Variants in TMEM216 observed in about 807,000 individuals in gnomAD.
TMEM216 encodes transmembrane protein 216.
A neutral mutation model predicts 17.8 loss-of-function variants in TMEM216; 15 were observed. The ratio of observed to expected loss-of-function variants is 0.84; its 90% CI spans 0.56 to 1.30. The LOEUF (loss-of-function observed/expected upper bound fraction) is 1.30, where lower values mean the gene tolerates loss of function less well. Among genes scored for constraint, TMEM216 ranks in the 50% most tolerant of loss-of-function variants. TMEM216 has a pLI of 0.00. For missense variants in TMEM216, 160 were observed against 175.7 expected (o/e 0.91, Z 0.51); for synonymous variants, 58 against 73.5 (o/e 0.79, Z 1.08).
At chr11:61,395,741 A>C (rs1321710927) in intron 3 of TMEM216, among the ~76,000 whole-genome samples, 2 of 152,094 alleles carry the variant, frequency 1.3e-5, no homozygotes, top group African/African-American at 4.8e-5. Context: ...AAAAAAAAAA[A>C]AATTGGTAAG....
intron 3 of TMEM216, among the ~76,000 whole-genome samples, chr11:61,397,304 C>T (rs1858821414): frequency 6.6e-6 from 1 of 151,688 alleles, no homozygotes; most frequent in Middle Eastern, 3.2e-3. Context: ...GTAGCTGGGA[C>T]TACAGGCGCC....
chr11:61,393,844 G>A, intron 2 of TMEM216, 40 bp from the exon 3 acceptor site: 1 of 1,555,720 alleles, frequency 6.4e-7, no homozygotes, highest in Non-Finnish European at 8.9e-7. Flanking sequence ...TGTGGGTGCT[G>A]TTATATGCTG....
chr11:61,398,095 G>T, intron 4 of TMEM216, 120 bp downstream of exon 4: 3 of 1,379,820 alleles, frequency 2.2e-6, no homozygotes, highest in Non-Finnish European at 3.1e-6. Flanking sequence ...AGGGAGGAAG[G>T]GGTGGCTATG....
At chr11:61,397,683 G>A (rs1858828346) in intron 3 of TMEM216, 91 bp from the exon 4 acceptor site, 1 of 1,173,586 alleles carries the variant, frequency 8.5e-7, no homozygotes, top group African/African-American at 1.5e-5. Flanking sequence ...TATTTTTTGT[G>A]CCTTGCCATT....
rs934536093 is a variant in TMEM216, at chr11:61,393,212, C to T, written c.35-19C>T. ...AGCTGCCTTCCGGCCCATCCCACTT[C>T]TCTGTGCTCCTTTTTCAGGTAAACG... On this transcript the variant is annotated intron_variant, in intron 1 of 4. Coordinates refer to ENST00000515837, the MANE Select transcript of TMEM216 (RefSeq NM_001173990.3). 4.4e-5 allele frequency: 67 copies of T among 1,528,298 alleles called. No homozygotes were observed. The highest frequency in any genetic ancestry group is 5.8e-5 in the Non-Finnish European group (66 of 1,140,338). 94.7% of individuals were successfully genotyped at this position (1,528,298 alleles called of 1,614,324 possible). A position where few individuals can be genotyped will look rare whatever the true frequency, so the allele number is the denominator to read the frequency against.
At chr11:61,393,177 G>C in intron 1 of TMEM216, 54 bp from the exon 2 acceptor site, 1 of 1,367,830 alleles carries the variant, frequency 7.3e-7, no homozygotes, top group Non-Finnish European at 1.0e-6. Flanking sequence ...ACCCATACGA[G>C]CAGAGAGGGA....
chr11:61,392,862 C>G (rs1314429808), intron 1 of TMEM216, 197 bp downstream of exon 1: 2 of 985,284 alleles, frequency 2.0e-6, no homozygotes, highest in East Asian at 2.3e-4. Context: ...CAAATAAACG[C>G]AGATCCTTGG....
At chr11:61,398,068 A>G in intron 4 of TMEM216, 93 bp downstream of exon 4, 1 of 1,515,868 alleles carries the variant, frequency 6.6e-7, no homozygotes, top group Non-Finnish European at 9.1e-7. Context: ...TAAGGGGTCT[A>G]GAAGACTTTT....
chr11:61,398,266 A>G lies in TMEM216; in HGVS notation c.432-4A>G. On this transcript the variant is annotated splice_polypyrimidine_tract_variant and splice_region_variant and intron_variant, in intron 4 of 4. Coordinates refer to ENST00000515837, the MANE Select transcript of TMEM216 (RefSeq NM_001173990.3). ...TTTCTTTCTTTCTGCCATCGTATGGACAGGATTTGAAGTACAGAATTTCAG... is the reference window on the plus strand; with the variant it reads ...TTTCTTTCTTTCTGCCATCGTATGGGCAGGATTTGAAGTACAGAATTTCAG... The G allele has an allele frequency of 6.2e-7, 1 of 1,611,708 alleles. No individual in the cohort carries two copies. The highest frequency in any genetic ancestry group is 1.3e-5 in the African/African-American group (1 of 74,934).
At chr11:61,397,673 T>A (rs1334521245) in intron 3 of TMEM216, 101 bp from the exon 4 acceptor site, 1 of 1,079,402 alleles carries the variant, frequency 9.3e-7, no homozygotes, top group Non-Finnish European at 1.4e-6. Flanking sequence ...CACTCAGGAT[T>A]ATTTTTTGTG....
Position 61,392,669 on chromosome 11 carries a change from A to G in TMEM216, c.34+4A>G. 6.5e-7 allele frequency: 1 copy of G among 1,528,002 alleles called. No individual in the cohort carries two copies. The highest frequency in any genetic ancestry group is 8.8e-7 in the Non-Finnish European group (1 of 1,142,488). 94.7% of individuals were successfully genotyped at this position (1,528,002 alleles called of 1,614,324 possible). On this transcript the variant is annotated splice_donor_region_variant and intron_variant, in intron 1 of 4. Coordinates refer to ENST00000515837, the MANE Select transcript of TMEM216 (RefSeq NM_001173990.3). ...GGACTGAAGATGGCGCCGCGAGGTGAGATTCCGGAGGTGTGTGAGTCGCTG... is the reference window on the plus strand; with the variant it reads ...GGACTGAAGATGGCGCCGCGAGGTGGGATTCCGGAGGTGTGTGAGTCGCTG...
At chr11:61,397,291 C>A (rs752664834) in intron 3 of TMEM216, among the ~76,000 whole-genome samples, 36 of 151,724 alleles carry the variant, frequency 2.4e-4, no homozygotes, top group African/African-American at 8.7e-4. Context: ...CTCAGCCTCC[C>A]GAGTAGCTGG....
At chr11:61,398,204 C>T (rs1379759578) in intron 4 of TMEM216, 66 bp from the exon 5 acceptor site, 27 of 1,585,810 alleles carry the variant, frequency 1.7e-5, no homozygotes, top group East Asian at 1.6e-4. Flanking sequence ...ATAGAACAGT[C>T]GAGGCCAGCT....
rs188062625 is a variant in TMEM216, at chr11:61,394,234, A to T, written c.229+258A>T. On this transcript the variant is annotated intron_variant, in intron 3 of 4. Transcript: ENST00000515837. ...TTCCCAGCTGCCTAACTGCAAGAAG[A>T]GTGCTTGGTTCTTCTCACTAGTATT... 186 of 464,074 alleles carry T rather than the reference A, an allele frequency of 4.0e-4. 1 individual carries two copies. The highest frequency in any genetic ancestry group is 7.3e-4 in the South Asian group (32 of 43,802). The allele number at this position is 464,074 out of a possible 1,614,324, so 28.7% of individuals were successfully genotyped here.
chr11:61,397,169 A>ATT (rs750796937), intron 3 of TMEM216, among the ~76,000 whole-genome samples: 4 of 144,346 alleles, frequency 2.8e-5, no homozygotes, highest in Non-Finnish European at 3.1e-5. Context: ...CTGTGTTGAA[A>ATT]TTTTTTTTTT....
rs571617064 is a variant in TMEM216 at position 61,397,980 on chromosome 11, T to C, written c.431+5T>C. ...CACCTTGGCTGCTTTCTCCAGGTAC[T>C]GCTGCTGAGGGACCATTTCTCATCA... is the stretch of plus-strand genomic sequence containing the variant. On this transcript the variant is annotated splice_donor_5th_base_variant and intron_variant, in intron 4 of 4. Coordinates refer to ENST00000515837, the MANE Select transcript of TMEM216 (RefSeq NM_001173990.3). The C allele has an allele frequency of 1.5e-5, 24 of 1,613,454 alleles. No homozygotes were observed. In the East Asian group the frequency reaches 5.1e-4, roughly 34 times the overall value.
At chr11:61,397,313 C>T (rs1190658606) in intron 3 of TMEM216, among the ~76,000 whole-genome samples, 1 of 151,758 alleles carries the variant, frequency 6.6e-6, no homozygotes, top group African/African-American at 2.4e-5. Flanking sequence ...ACTACAGGCG[C>T]CCGCCACCAC....
At chr11:61,397,552 G>A (rs1858826240) in intron 3 of TMEM216, among the ~76,000 whole-genome samples, 1 of 152,134 alleles carries the variant, frequency 6.6e-6, no homozygotes, top group South Asian at 2.1e-4. Flanking sequence ...TCCCTTGAGT[G>A]GGAACCAGAC....
rs964063488 is a variant in TMEM216 at position 61,392,895 on chromosome 11, CA to C, written c.34+231del. ...TGGCTGGGCCACTTCTAGGCTGGCT[CA>C]GGTGCGAATCTGTTGGTCTCTGCGC... On this transcript the variant is annotated intron_variant, in intron 1 of 4. Transcript: ENST00000515837. 19 of 985,276 alleles carry C rather than the reference CA, an allele frequency of 1.9e-5. No homozygotes were observed. The African/African-American group carries it at 2.8e-4, about 14-fold the overall frequency. 61.0% of individuals were successfully genotyped at this position (985,276 alleles called of 1,614,324 possible).
Sources: allele counts gnomAD v4.1 joint callset (sites outside exome capture counted in the v4.1 genomes callset), GRCh38; gene constraint gnomAD v4.1.1; transcripts MANE v1.5; gene names NCBI Gene and HGNC (gene_info 2026-07-23, HGNC 2026-07-21).